Variants in ST6GAL1 observed in about 807,000 individuals in gnomAD.
ST6GAL1 encodes the protein ST6 beta-galactoside alpha-2,6-sialyltransferase 1, also known as beta-galactoside alpha-2,6-sialyltransferase 1.
Under a neutral mutation model 38.0 loss-of-function variants are expected in ST6GAL1, and 20 were observed. That is an observed-to-expected ratio of 0.53 (90% confidence interval 0.37 to 0.77). The LOEUF (loss-of-function observed/expected upper bound fraction) is 0.77, where lower values mean the gene tolerates loss of function less well. Among genes scored for constraint, ST6GAL1 ranks in the 30% least tolerant of loss-of-function variants. The pLI, the probability that ST6GAL1 is intolerant of heterozygous loss-of-function variation, is 0.00. For missense variants in ST6GAL1, 432 were observed against 496.4 expected, an observed-to-expected ratio of 0.87 and a Z score of 1.23; for synonymous variants, 196 against 188.2, an observed-to-expected ratio of 1.04 and a Z score of -0.34.
chr3:187,066,822 AAG>A (rs953278564), intron 5 of ST6GAL1, among the ~76,000 whole-genome samples: 13 of 151,974 alleles, frequency 8.6e-5, no homozygotes, highest in African/African-American at 3.1e-4. Context: ...CCTGCCCCCT[AAG>A]AGGATCTCCA....
At chr3:186,968,504 G>A (rs2108529880) in intron 2 of ST6GAL1, among the ~76,000 whole-genome samples, 1 of 152,244 alleles carries the variant, frequency 6.6e-6, no homozygotes, top group East Asian at 1.9e-4. Flanking sequence ...GTCCTTCCGA[G>A]CTTTATCCCT....
intron 2 of ST6GAL1, among the ~76,000 whole-genome samples, chr3:187,027,335 A>T (rs1000165680): frequency 6.6e-6 from 1 of 152,126 alleles, no homozygotes; most frequent in African/African-American, 2.4e-5. Flanking sequence ...CCTGTTTCTC[A>T]CCACTTGCCT....
intron 4 of ST6GAL1, 120 bp downstream of exon 4, chr3:187,043,430 C>T: frequency 1.4e-6 from 2 of 1,425,876 alleles, no homozygotes; most frequent in African/African-American, 2.9e-5. Flanking sequence ...GGGCCCAGGG[C>T]AGTGTTTTTT....
intron 5 of ST6GAL1, among the ~76,000 whole-genome samples, chr3:187,057,216 A>G (rs6775512): frequency 0.1 from 15,176 of 151,996 alleles, 2,535 homozygotes; most frequent in African/African-American, 0.34. Context: ...ATCTTTTTTC[A>G]AGGTATTTAG....
At chr3:186,970,844 C>T (rs1028857328) in intron 2 of ST6GAL1, among the ~76,000 whole-genome samples, 1 of 152,194 alleles carries the variant, frequency 6.6e-6, no homozygotes, top group Non-Finnish European at 1.5e-5. Flanking sequence ...TTGGCTATTA[C>T]AAGTTAAGCT....
chr3:187,017,882 A>G lies in ST6GAL1; in HGVS notation c.-182-20860A>G, dbSNP rs1016954442. On this transcript the variant is annotated intron_variant, in intron 2 of 7. Transcript: ENST00000169298. ...TAGACATTGTCCTCACTAAAGACAG[A>G]GTTAAAGTGGAGTTTGAATAATCAG... Among the ~76,000 whole-genome samples, 4 of 152,250 alleles carry G rather than the reference A, an allele frequency of 2.6e-5. 1 individual carries two copies. Among genetic ancestry groups the G allele is most frequent in the African/African-American group, 9.6e-5 (4 of 41,464 alleles).
At chr3:187,072,566 G>A (rs146912150) in intron 5 of ST6GAL1, 340 of 384,206 alleles carry the variant, frequency 8.8e-4, no homozygotes, top group Non-Finnish European at 1.5e-3. Context: ...GGGATGCCGT[G>A]CTATTTTCAC....
chr3:186,943,262 C>T (rs1425849430), intron 1 of ST6GAL1, among the ~76,000 whole-genome samples: 2 of 152,054 alleles, frequency 1.3e-5, no homozygotes, highest in Non-Finnish European at 2.9e-5. Flanking sequence ...GGGAAGGCTG[C>T]AGGAGCAAAG....
At chr3:186,999,656 G>A (rs1179378634) in intron 2 of ST6GAL1, among the ~76,000 whole-genome samples, 2 of 151,956 alleles carry the variant, frequency 1.3e-5, no homozygotes, top group South Asian at 2.1e-4. Context: ...TGATCCTCCC[G>A]TCTTGGCCTC....
intron 2 of ST6GAL1, among the ~76,000 whole-genome samples, chr3:187,006,742 A>G (rs1716798625): frequency 6.6e-6 from 1 of 152,192 alleles, no homozygotes; most frequent in East Asian, 1.9e-4. Flanking sequence ...TTTAACCACC[A>G]TTGTGCTTCT....
chr3:187,048,948 T>C (rs1382196221), intron 4 of ST6GAL1, among the ~76,000 whole-genome samples: 1 of 144,542 alleles, frequency 6.9e-6, no homozygotes, highest in Non-Finnish European at 1.5e-5. Flanking sequence ...TGGAGTGCAG[T>C]GGCACAATCT....
intron 1 of ST6GAL1, among the ~76,000 whole-genome samples, chr3:186,939,736 C>T (rs1011836468): frequency 1.3e-5 from 2 of 152,154 alleles, no homozygotes; most frequent in African/African-American, 4.8e-5. Context: ...AGCGTTGCTG[C>T]CGGTCTCTCA....
intron 4 of ST6GAL1, among the ~76,000 whole-genome samples, chr3:187,050,511 T>C (rs1245350603): frequency 1.4e-5 from 2 of 147,752 alleles, no homozygotes; most frequent in Non-Finnish European, 3.0e-5. Context: ...TAGTACATTG[T>C]TTCTGACAAT....
chr3:187,067,988 A>G (rs1479669315), intron 5 of ST6GAL1, among the ~76,000 whole-genome samples: 1 of 152,148 alleles, frequency 6.6e-6, no homozygotes, highest in African/African-American at 2.4e-5. Context: ...GTCCTTCCCC[A>G]AGAGCTGTGG....
chr3:186,950,551 A>G (rs73069435), intron 1 of ST6GAL1, among the ~76,000 whole-genome samples: 15,980 of 152,250 alleles, frequency 0.1, 1,174 homozygotes, highest in African/African-American at 0.21. Flanking sequence ...AGAGCTCACT[A>G]AAGTGCAGGC....
chr3:186,937,258 G>A (rs888083768), intron 1 of ST6GAL1, among the ~76,000 whole-genome samples: 7 of 152,142 alleles, frequency 4.6e-5, no homozygotes, highest in African/African-American at 1.7e-4. Context: ...CTCCAAGGAT[G>A]TGTGGGCCCC....
chr3:187,045,556 C>T (rs973286574), intron 4 of ST6GAL1, among the ~76,000 whole-genome samples: 4 of 152,162 alleles, frequency 2.6e-5, no homozygotes, highest in Non-Finnish European at 4.4e-5. Flanking sequence ...TTCATCCTCC[C>T]AGAAGTCCTG....
intron 2 of ST6GAL1, among the ~76,000 whole-genome samples, chr3:186,972,959 T>C (rs1196673188): frequency 6.6e-6 from 1 of 152,162 alleles, no homozygotes; most frequent in African/African-American, 2.4e-5. Flanking sequence ...GAGACCTGCA[T>C]TGGCCATGGG....
At chr3:187,008,372 G>A (rs994886942) in intron 2 of ST6GAL1, among the ~76,000 whole-genome samples, 1 of 130,114 alleles carries the variant, frequency 7.7e-6, no homozygotes, top group African/African-American at 3.1e-5. Context: ...AAGAGAAAAG[G>A]AAAGGAAGGA....
Sources: gnomAD v4.1 joint callset for allele counts (sites outside exome capture counted in the v4.1 genomes callset) on GRCh38, gnomAD v4.1.1 for gene constraint, MANE v1.5 for transcripts, NCBI Gene and HGNC (gene_info 2026-07-23, HGNC 2026-07-21) for gene names.